Variants in AXDND1 observed in about 807,000 individuals in gnomAD.
AXDND1 encodes axonemal dynein light chain domain containing 1, also known as axonemal dynein light chain domain-containing protein 1.
Under a neutral mutation model 137.5 loss-of-function variants are expected in AXDND1, and 110 were observed. The observed-to-expected ratio is 0.80, with a 90% CI of 0.69 to 0.94. AXDND1 has a LOEUF of 0.94. AXDND1 is among the 40% of genes least tolerant of loss of function. The pLI is 0.00. For synonymous variants in AXDND1, 414 were observed against 399.7 expected (o/e 1.04, Z -0.43); for missense variants, 1,191 against 1,169.8 (o/e 1.02, Z -0.26).
At chr1:179,388,454 A>G in intron 9 of AXDND1, among the ~76,000 whole-genome samples, 1 of 151,876 alleles carries the variant, frequency 6.6e-6, no homozygotes, top group East Asian at 1.9e-4. Flanking sequence ...TTGTCTCTTA[A>G]TCTCTTTTTC....
chr1:179,374,982 AAAAT>A (rs201761127), intron 4 of AXDND1, among the ~76,000 whole-genome samples: 16,352 of 151,812 alleles, frequency 0.11, 1,054 homozygotes, highest in East Asian at 0.35. Context: ...TATAATTTAA[AAAAT>A]AAATAAATAA....
chr1:179,518,694 C>G (rs974321327), intron 21 of AXDND1, among the ~76,000 whole-genome samples: 1 of 152,174 alleles, frequency 6.6e-6, no homozygotes, highest in South Asian at 2.1e-4. Context: ...CTAGCTCCAT[C>G]CATGTCCCTG....
chr1:179,549,946 C>A lies in AXDND1; in HGVS notation c.3032-4566C>A, dbSNP rs538129009. 1.9e-4 allele frequency among the ~76,000 whole-genome samples: 29 copies of A among 152,146 alleles called. No homozygotes were observed. In the South Asian group the frequency reaches 6.0e-3, roughly 32 times the overall value. On this transcript the variant is annotated intron_variant, in intron 25 of 25. Transcript: ENST00000367618. ...ACCTAGGAGTTCCCCAACCCATGTC[C>A]TGTTGCTGCTTCATCAGTGTTTGCT...
chr1:179,533,655 G>T (rs1192441058), intron 23 of AXDND1, 140 bp from the exon 24 acceptor site: 4 of 488,764 alleles, frequency 8.2e-6, no homozygotes, highest in African/African-American at 2.0e-5. Context: ...GGTATTAAGG[G>T]TGTGCTTAAC....
At position 179,488,935 on chromosome 1, in the gene AXDND1, A is replaced by G. The variant is rs555562234; in HGVS notation, c.2092-2603A>G. 8.9e-5 allele frequency among the ~76,000 whole-genome samples: 13 copies of G among 146,024 alleles called. 2 individuals carry two copies. In the South Asian group the frequency reaches 1.3e-3, roughly 14 times the overall value. ...TTTTTAGTAGAGACCAGGTTTCACC[A>G]TCTTGGCCAGGCTGGTCTTGAACTC... is the stretch of plus-strand genomic sequence containing the variant. On this transcript the variant is annotated intron_variant, in intron 18 of 25. Coordinates refer to ENST00000367618, the MANE Select transcript of AXDND1 (RefSeq NM_144696.6).
chr1:179,510,796 C>T (rs1006709671), intron 21 of AXDND1, among the ~76,000 whole-genome samples: 25 of 152,188 alleles, frequency 1.6e-4, no homozygotes, highest in African/African-American at 4.8e-4. Context: ...TGTTTGGTTA[C>T]ATGAGTAAGT....
intron 21 of AXDND1, among the ~76,000 whole-genome samples, chr1:179,511,079 A>G (rs1271552090): frequency 6.6e-6 from 1 of 151,930 alleles, no homozygotes; most frequent in Non-Finnish European, 1.5e-5. Context: ...AGGCAGGAGA[A>G]TCGCTTGAAC....
At chr1:179,500,820 G>A (rs1374234678) in intron 20 of AXDND1, among the ~76,000 whole-genome samples, 1 of 152,076 alleles carries the variant, frequency 6.6e-6, no homozygotes, top group African/African-American at 2.4e-5. Context: ...TACAGGCACA[G>A]GCCACCATAC....
intron 12 of AXDND1, among the ~76,000 whole-genome samples, chr1:179,418,997 G>T (rs1197133972): frequency 6.6e-6 from 1 of 151,080 alleles, no homozygotes; most frequent in Non-Finnish European, 1.5e-5. Context: ...GGGCAGAGGC[G>T]CTCCCCACAT....
intron 12 of AXDND1, among the ~76,000 whole-genome samples, chr1:179,417,400 T>C (rs1204932641): frequency 2.0e-5 from 3 of 152,148 alleles, no homozygotes; most frequent in Non-Finnish European, 4.4e-5. Context: ...GCTTTTGAGG[T>C]CTTACACGGA....
chr1:179,398,722 G>T (rs918024270), intron 11 of AXDND1, among the ~76,000 whole-genome samples: 1 of 152,132 alleles, frequency 6.6e-6, no homozygotes, highest in Non-Finnish European at 1.5e-5. Flanking sequence ...GGTCACTCAG[G>T]GCAGGGGAGA....
intron 11 of AXDND1, among the ~76,000 whole-genome samples, chr1:179,407,218 T>G (rs1040693875): frequency 2.0e-5 from 3 of 151,520 alleles, no homozygotes; most frequent in Non-Finnish European, 4.4e-5. Flanking sequence ...GCTAGCAGGG[T>G]TTTTTTTCTT....
intron 11 of AXDND1, among the ~76,000 whole-genome samples, chr1:179,410,804 T>C (rs752649985): frequency 6.6e-6 from 1 of 152,198 alleles, no homozygotes; most frequent in Non-Finnish European, 1.5e-5. Context: ...GTATGCTGAA[T>C]TTTTCATTAG....
chr1:179,533,855 G>A lies in AXDND1; in HGVS notation c.2776G>A (p.Glu926Lys). 1 of 1,612,964 alleles carries A rather than the reference G, an allele frequency of 6.2e-7. No homozygotes were observed. Among genetic ancestry groups the A allele is most frequent in the Non-Finnish European group, 8.5e-7 (1 of 1,179,268 alleles). Residue 926 changes from glutamate to lysine, a missense_variant, in exon 24 of 26, where the codon GAA (glutamate) becomes AAA (lysine). Glu to Lys is a moderately conservative substitution (Grantham distance 56). Transcript: ENST00000367618. ...QKYLEAMAVIEHMQEKLLEVE... is the reference protein window; with the variant it reads ...QKYLEAMAVIKHMQEKLLEVE... Reference sequence around the variant, plus strand: ...ATATCTTGAAGCAATGGCTGTAATTGAACATATGCAGGAGAAGTTACTGTA... The same window carrying A: ...ATATCTTGAAGCAATGGCTGTAATTAAACATATGCAGGAGAAGTTACTGTA...
intron 15 of AXDND1, among the ~76,000 whole-genome samples, chr1:179,442,283 G>A (rs1409571845): frequency 2.6e-5 from 4 of 152,124 alleles, no homozygotes; most frequent in African/African-American, 9.7e-5. Context: ...TGGGTGGGAC[G>A]ACAGATTCTT....
At chr1:179,520,293 A>G (rs938137999) in intron 21 of AXDND1, among the ~76,000 whole-genome samples, 1 of 152,154 alleles carries the variant, frequency 6.6e-6, no homozygotes, top group Non-Finnish European at 1.5e-5. Flanking sequence ...GGCTGAGACA[A>G]TGGGGTTTTC....
chr1:179,442,965 T>C (rs1189329136), intron 15 of AXDND1, among the ~76,000 whole-genome samples: 1 of 152,096 alleles, frequency 6.6e-6, no homozygotes, highest in Non-Finnish European at 1.5e-5. Flanking sequence ...GCGCTCCATA[T>C]GTATTAGGTA....
intron 20 of AXDND1, among the ~76,000 whole-genome samples, chr1:179,502,774 A>C (rs768176587): frequency 5.3e-5 from 8 of 151,692 alleles, no homozygotes; most frequent in Non-Finnish European, 7.4e-5. Context: ...AAGCTCTTAC[A>C]CAAGTGCTCT....
At position 179,378,731 on chromosome 1, in the gene AXDND1, C is replaced by A; in HGVS notation, c.469C>A (p.His157Asn). The A allele has an allele frequency of 6.3e-7, 1 of 1,580,766 alleles. No individual in the cohort carries two copies. Among genetic ancestry groups the A allele is most frequent in the South Asian group, 1.2e-5 (1 of 83,720 alleles). Reference protein sequence around the residue: ...PPHLARSLQSHDGVIVPHKPK... With the variant: ...PPHLARSLQSNDGVIVPHKPK... Reference sequence around the variant, plus strand: ...ACATTTGGCCCGTTCATTACAGTCACATGATGGTGTCATTGTGCCCCATAA... The same window carrying A: ...ACATTTGGCCCGTTCATTACAGTCAAATGATGGTGTCATTGTGCCCCATAA... Residue 157 changes from histidine (H) to asparagine (N), a missense_variant, in exon 5 of 26, where the codon CAT (histidine) becomes AAT (asparagine). Coordinates refer to ENST00000367618, the MANE Select transcript of AXDND1 (RefSeq NM_144696.6).
Sources: gnomAD v4.1 joint callset for allele counts (sites outside exome capture counted in the v4.1 genomes callset) on GRCh38, gnomAD v4.1.1 for gene constraint, MANE v1.5 for transcripts, NCBI Gene and HGNC (gene_info 2026-07-23, HGNC 2026-07-21) for gene names.